Variants in SSH2 observed in about 807,000 individuals in gnomAD.
The protein encoded by SSH2 is slingshot protein phosphatase 2, also known as protein phosphatase Slingshot homolog 2.
Under a neutral mutation model 135.2 loss-of-function variants are expected in SSH2, and 37 were observed. The observed-to-expected ratio is 0.27, with a 90% CI of 0.21 to 0.36. SSH2 has a LOEUF of 0.36. SSH2 is among the 10% of genes least tolerant of loss of function. The pLI is 1.00. For synonymous variants in SSH2, 628 were observed against 646.2 expected, an observed-to-expected ratio of 0.97 and a Z score of 0.43; for missense variants, 1,408 against 1,765.3, an observed-to-expected ratio of 0.80 and a Z score of 3.63.
chr17:29,795,312 A>G (rs1484399233), intron 2 of SSH2, among the ~76,000 whole-genome samples: 1 of 152,248 alleles, frequency 6.6e-6, no homozygotes, highest in Non-Finnish European at 1.5e-5. Flanking sequence ...TAACTACTAC[A>G]AAAATATCCT....
chr17:29,790,179 A>G (rs1007263201), intron 3 of SSH2, among the ~76,000 whole-genome samples: 1 of 152,136 alleles, frequency 6.6e-6, no homozygotes, highest in Non-Finnish European at 1.5e-5. Flanking sequence ...GCCCCCTGCT[A>G]ATTCATATGT....
Position 29,631,373 on chromosome 17 carries a change from C to A in SSH2, c.3821G>T (p.Gly1274Val). The A allele has an allele frequency of 6.2e-7, 1 of 1,614,054 alleles. No homozygotes were observed. The highest frequency in any genetic ancestry group is 8.5e-7 in the Non-Finnish European group (1 of 1,180,008). Residue 1274 changes from glycine (G) to valine (V), a missense_variant, in exon 16 of 16, where the codon GGG (glycine) becomes GTG (valine). Gly to Val is a moderately radical substitution (Grantham distance 109, BLOSUM62 -3). This residue lies in a region of SSH2 where 1,080 missense variants were observed against 1,144.5 expected (regional missense o/e 0.94). Coordinates refer to ENST00000540801, the MANE Select transcript of SSH2 (RefSeq NM_001282129.2). Reference protein sequence around the residue: ...EIESRVVFQAGLTKPSQMRRS... With the variant: ...EIESRVVFQAVLTKPSQMRRS... The stretch of plus-strand genomic sequence containing the variant: ...CCTCATTTGGGATGGTTTGGTGAGC[C>A]CTGCCTGGAAAACCACTCGAGACTC...
At chr17:29,703,969 C>T (rs1051169659) in intron 3 of SSH2, among the ~76,000 whole-genome samples, 7 of 152,206 alleles carry the variant, frequency 4.6e-5, no homozygotes, top group African/African-American at 1.7e-4. Context: ...CCTGGCTTTA[C>T]TTCTTCCTAA....
At chr17:29,851,698 C>T (rs748997954) in intron 1 of SSH2, among the ~76,000 whole-genome samples, 6 of 149,414 alleles carry the variant, frequency 4.0e-5, no homozygotes, top group Admixed American at 6.7e-5. Context: ...ATCTTCATGA[C>T]AAAAAAAAAA....
chr17:29,719,146 C>T (rs1194005734), intron 3 of SSH2, among the ~76,000 whole-genome samples: 1 of 152,194 alleles, frequency 6.6e-6, no homozygotes, highest in African/African-American at 2.4e-5. Context: ...TCAGATCTAA[C>T]ATCAGAGCCC....
At chr17:29,844,159 A>T (rs2043091822) in intron 2 of SSH2, among the ~76,000 whole-genome samples, 1 of 152,172 alleles carries the variant, frequency 6.6e-6, no homozygotes, top group South Asian at 2.1e-4. Flanking sequence ...CACAGAATAT[A>T]ATATTATATC....
intron 1 of SSH2, among the ~76,000 whole-genome samples, chr17:29,926,341 C>A (rs550833687): frequency 4.6e-5 from 7 of 151,418 alleles, no homozygotes; most frequent in Non-Finnish European, 1.0e-4. Flanking sequence ...GAGTTTGAGA[C>A]CAGCCAGGGC....
chr17:29,885,348 TAAA>T (rs72403205), intron 1 of SSH2, among the ~76,000 whole-genome samples: 44,314 of 127,112 alleles, frequency 0.35, 7,882 homozygotes, highest in East Asian at 0.66. Context: ...TATTGTATCA[TAAA>T]AAAAAAAAAA....
intron 1 of SSH2, chr17:29,928,605 T>C (rs998718055): frequency 1.5e-5 from 6 of 398,410 alleles, no homozygotes; most frequent in Non-Finnish European, 2.7e-5. Flanking sequence ...ACAAGATATA[T>C]AACCTTTGAA....
chr17:29,692,007 G>GCA (rs1254908649), intron 5 of SSH2, among the ~76,000 whole-genome samples: 2 of 151,492 alleles, frequency 1.3e-5, no homozygotes, highest in Non-Finnish European at 2.9e-5. Context: ...GGGTATGGTG[G>GCA]CATGGGCCTG....
intron 4 of SSH2, among the ~76,000 whole-genome samples, chr17:29,702,387 G>T (rs1415285918): frequency 2.0e-5 from 3 of 151,588 alleles, no homozygotes; most frequent in Non-Finnish European, 4.4e-5. Flanking sequence ...GGGCGTGGTG[G>T]CTGAAGTCTG....
At chr17:29,681,003 A>ACATTACATTTTTGGCTTGTATTCAGG (rs1415878129) in intron 6 of SSH2, among the ~76,000 whole-genome samples, 3 of 152,098 alleles carry the variant, frequency 2.0e-5, no homozygotes, top group African/African-American at 7.2e-5. Context: ...ACAGGAATCG[A>ACATTACATTTTTGGCTTGTATTCAGG]CATTACATTT....
intron 2 of SSH2, among the ~76,000 whole-genome samples, chr17:29,829,806 G>A (rs1331989863): frequency 6.6e-6 from 1 of 151,412 alleles, no homozygotes; most frequent in Non-Finnish European, 1.5e-5. Context: ...CTCTTCAGTG[G>A]CTTTTTGTTG....
At chr17:29,861,915 C>T (rs147038460) in intron 1 of SSH2, among the ~76,000 whole-genome samples, 193 of 152,234 alleles carry the variant, frequency 1.3e-3, no homozygotes, top group African/African-American at 4.5e-3. Context: ...CCAGTGTTTA[C>T]ACCAATAAAC....
chr17:29,907,419 T>A (rs2066675060), intron 1 of SSH2, among the ~76,000 whole-genome samples: 1 of 152,064 alleles, frequency 6.6e-6, no homozygotes, highest in Non-Finnish European at 1.5e-5. Context: ...AATACCTAGG[T>A]AATGGGATGA....
intron 4 of SSH2, among the ~76,000 whole-genome samples, chr17:29,696,207 A>G (rs1222855149): frequency 7.1e-6 from 1 of 140,424 alleles, no homozygotes; most frequent in Non-Finnish European, 1.6e-5. Flanking sequence ...ACACACACAC[A>G]CATATGTATA....
intron 2 of SSH2, among the ~76,000 whole-genome samples, chr17:29,826,033 G>C (rs2042736624): frequency 6.6e-6 from 1 of 152,082 alleles, no homozygotes; most frequent in Non-Finnish European, 1.5e-5. Context: ...GTTATATTAA[G>C]ATATTTTTTC....
At chr17:29,696,277 CG>C (rs2038737392) in intron 4 of SSH2, among the ~76,000 whole-genome samples, 1 of 147,590 alleles carries the variant, frequency 6.8e-6, no homozygotes, top group Non-Finnish European at 1.5e-5. Context: ...TACACACACA[CG>C]TATATATATG....
At chr17:29,683,950 A>C (rs992045958) in intron 6 of SSH2, among the ~76,000 whole-genome samples, 1 of 152,176 alleles carries the variant, frequency 6.6e-6, no homozygotes, top group African/African-American at 2.4e-5. Flanking sequence ...GCTGTCTCAA[A>C]AAGAGAAATA....
Sources: gnomAD v4.1 joint callset for allele counts (sites outside exome capture counted in the v4.1 genomes callset) on GRCh38, gnomAD v4.1.1 for gene constraint, gnomAD v4.1.1 regional missense constraint, MANE v1.5 for transcripts, NCBI Gene and HGNC (gene_info 2026-07-23, HGNC 2026-07-21) for gene names.